The following CCDC88C variants were observed in gnomAD, a reference collection of about 807,000 sequenced individuals.
CCDC88C encodes protein Daple.
CCDC88C carries 131 observed loss-of-function variants against 198.8 expected under a neutral mutation model. That is an observed-to-expected ratio of 0.66 (90% confidence interval 0.57 to 0.76). The LOEUF (loss-of-function observed/expected upper bound fraction) is 0.76. Ranked by LOEUF, CCDC88C falls within the 30% of genes least tolerant of loss-of-function variation. The probability of loss-of-function intolerance (pLI) is 0.00; values close to 1 mark genes in which losing one functional copy is unlikely to be tolerated. For synonymous variants in CCDC88C, 1,166 were observed against 1,114.7 expected (o/e 1.05, Z -0.92); for missense variants, 2,553 against 2,631.6 (o/e 0.97, Z 0.65).
Position 91,281,437 on chromosome 14 carries a change from A to G in CCDC88C, c.4699+20T>C. ...AGTCTGGAAACCCAGGCTGGAGGAC[A>G]CAGCACCCTCCCTACTCACCGTACT... On this transcript the variant is annotated intron_variant, in intron 27 of 29. Coordinates refer to ENST00000389857, the MANE Select transcript of CCDC88C (RefSeq NM_001080414.4). The G allele has an allele frequency of 1.2e-6, 2 of 1,613,594 alleles. No homozygotes were observed. Among genetic ancestry groups the G allele is most frequent in the South Asian group, 2.2e-5 (2 of 91,082 alleles).
At chr14:91,370,135 T>G (rs11626638) in intron 3 of CCDC88C, among the ~76,000 whole-genome samples, 1 of 152,196 alleles carries the variant, frequency 6.6e-6, no homozygotes, top group Non-Finnish European at 1.5e-5. Flanking sequence ...CGCTAACTCC[T>G]GCCTCTGCCT....
intron 25 of CCDC88C, chr14:91,285,536 A>T: frequency 1.3e-6 from 1 of 780,250 alleles, no homozygotes; most frequent in Non-Finnish European, 1.8e-6. Flanking sequence ...TGGCTACTTT[A>T]AGCTTGAAAT....
intron 4 of CCDC88C, among the ~76,000 whole-genome samples, chr14:91,344,812 T>C (rs1893461920): frequency 1.3e-5 from 2 of 151,630 alleles, no homozygotes; most frequent in South Asian, 4.2e-4. Flanking sequence ...TTTTTTTTTT[T>C]CTGATACAGG....
At chr14:91,383,518 G>C (rs1884938041) in intron 3 of CCDC88C, among the ~76,000 whole-genome samples, 1 of 152,154 alleles carries the variant, frequency 6.6e-6, no homozygotes, top group Non-Finnish European at 1.5e-5. Flanking sequence ...GGGGAGCCAG[G>C]GACACTCTGC....
In CCDC88C at chr14:91,305,799, T is replaced by A; in HGVS notation, c.3323A>T (p.Asn1108Ile). ...QKQSAFLQEH[N>I]TTLQTQTAKL... The stretch of plus-strand genomic sequence containing the variant: ...GGCGGTCTGGGTCTGCAGTGTGGTG[T>A]TGTGCTCCTGCAGGAAGGCGCTCTG... The change falls in exon 19 of 30, where the codon AAC (asparagine) becomes ATC (isoleucine). Residue 1108 changes from asparagine (N) to isoleucine (I), a missense_variant. Asn to Ile is a moderately radical substitution (Grantham distance 149). Around this residue, in one of 2 missense-constraint regions of CCDC88C, gnomAD observed 1,260 missense variants for 1,412.0 expected, o/e 0.89. Coordinates refer to ENST00000389857, the MANE Select transcript of CCDC88C (RefSeq NM_001080414.4). 2 of 1,613,602 alleles carry A rather than the reference T, an allele frequency of 1.2e-6. No individual in the cohort carries two copies. Among genetic ancestry groups the A allele is most frequent in the Non-Finnish European group, 1.7e-6 (2 of 1,179,564 alleles).
chr14:91,394,687 T>C (rs113356769), intron 3 of CCDC88C, among the ~76,000 whole-genome samples: 8 of 152,312 alleles, frequency 5.3e-5, no homozygotes, highest in African/African-American at 1.9e-4. Context: ...TTTTAAGGAA[T>C]TCTATTGCTG....
chr14:91,376,296 G>T (rs1286209834), intron 3 of CCDC88C, among the ~76,000 whole-genome samples: 1 of 152,182 alleles, frequency 6.6e-6, no homozygotes, highest in Non-Finnish European at 1.5e-5. Flanking sequence ...CCCTGACCTT[G>T]GTCGCCATCT....
intron 3 of CCDC88C, among the ~76,000 whole-genome samples, chr14:91,394,022 T>C (rs562928580): frequency 7.0e-4 from 107 of 152,324 alleles, no homozygotes; most frequent in African/African-American, 2.2e-3. Context: ...GGCACGTAAA[T>C]CTGACTTGCT....
intron 21 of CCDC88C, among the ~76,000 whole-genome samples, chr14:91,298,856 C>T (rs559423241): frequency 6.6e-6 from 1 of 152,308 alleles, no homozygotes; most frequent in East Asian, 1.9e-4. Flanking sequence ...TATGGTCAAG[C>T]CTTTGCAATG....
In CCDC88C at chr14:91,273,575, G is replaced by A; in HGVS notation, c.5137C>T (p.Pro1713Ser). ...CCTTCTTTCTTGGCAGGTGGTCCTG[G>A]TTGGCCTCCGATGGCTGGGGGATCG... ...ASDPPAIGGQ[P>S]GPPAKKEGAK... Residue 1713 changes from proline to serine, a missense_variant, in exon 30 of 30, where the codon CCA (proline) becomes TCA (serine). Physicochemically the swap from Pro to Ser is moderately conservative, Grantham distance 74. Coordinates refer to ENST00000389857, the MANE Select transcript of CCDC88C (RefSeq NM_001080414.4). This position sits in a 1 kb window ranked among gnomAD's most constrained non-coding sequence, Gnocchi z 5.6. 4.0e-6 allele frequency: 6 copies of A among 1,500,868 alleles called. No individual in the cohort carries two copies. The highest frequency in any genetic ancestry group is 1.4e-5 in the South Asian group (1 of 72,450). The allele number at this position is 1,500,868 out of a possible 1,614,324, so 93.0% of individuals were successfully genotyped here.
At position 91,324,802 on chromosome 14, in the gene CCDC88C, G is replaced by A. The variant is rs770791562; in HGVS notation, c.1319C>T (p.Ser440Phe). 2 of 1,612,450 alleles carry A rather than the reference G, an allele frequency of 1.2e-6. No individual in the cohort carries two copies. Among genetic ancestry groups the A allele is most frequent in the Non-Finnish European group, 1.7e-6 (2 of 1,179,902 alleles). ...ACCGTCTGACAAGTCTGCGTTCTTG[G>A]ACAGCTGCTCCAGCTCCCAGCCAAG... ...AHLGWELEQLSKNADLSDASR... is the reference protein window; with the variant it reads ...AHLGWELEQLFKNADLSDASR... Residue 440 changes from serine to phenylalanine, a missense_variant, in exon 12 of 30, where the codon TCC becomes TTC. Physicochemically the swap from Ser to Phe is radical, Grantham distance 155. This residue lies in a region of CCDC88C where 1,260 missense variants were observed against 1,412.0 expected (regional missense o/e 0.89). Transcript: ENST00000389857.
rs940416485 is a variant in CCDC88C, at chr14:91,339,694, C to T, written c.624+190G>A. ...GGCCCCAAGCTCCGCGTCCTGATTC[C>T]CTGTATCCTCCCACAGGCCCGAGGT... On this transcript the variant is annotated intron_variant, in intron 7 of 29. Transcript: ENST00000389857. This position sits in a 1 kb window ranked among gnomAD's most constrained non-coding sequence, Gnocchi z 5.8. Among the ~76,000 whole-genome samples the T allele has an allele frequency of 1.3e-5, 2 of 152,168 alleles. No homozygotes were observed. The highest frequency in any genetic ancestry group is 2.1e-4 in the South Asian group (1 of 4,826).
chr14:91,345,349 C>T (rs1183856918), intron 4 of CCDC88C, among the ~76,000 whole-genome samples: 2 of 151,716 alleles, frequency 1.3e-5, no homozygotes, highest in East Asian at 3.9e-4. Context: ...CTCGCCACCA[C>T]GCTCTGCTAT....
Position 91,313,507 on chromosome 14 carries a change from C to G in CCDC88C, c.2309G>C (p.Arg770Pro). ...GCTGCTCTCCAGGCTCTGCTGCAGC[C>G]GGAGGTTCTCAGCGCTCACGCTCTG... is the stretch of plus-strand genomic sequence containing the variant. ...SYQSVSAENL[R>P]LQQSLESSSH... is the part of the protein sequence containing the mutation. Residue 770 changes from arginine to proline, a missense_variant, in exon 15 of 30, where the codon CGG (arginine) becomes CCG (proline). This residue lies in a region of CCDC88C where 1,260 missense variants were observed against 1,412.0 expected (regional missense o/e 0.89). Coordinates refer to ENST00000389857, the MANE Select transcript of CCDC88C (RefSeq NM_001080414.4). The surrounding 1 kb of genome is among the most constrained non-coding windows in gnomAD (Gnocchi z 5.2). The G allele has an allele frequency of 6.2e-7, 1 of 1,608,548 alleles. No individual in the cohort carries two copies. Among genetic ancestry groups the G allele is most frequent in the East Asian group, 2.2e-5 (1 of 44,890 alleles).
chr14:91,295,451 G>A (rs1890959555), intron 22 of CCDC88C, among the ~76,000 whole-genome samples: 2 of 152,358 alleles, frequency 1.3e-5, no homozygotes, highest in African/African-American at 4.8e-5. Flanking sequence ...TCTGCAGGGT[G>A]AAAGGCCGTC....
chr14:91,307,569 T>A (rs1295586514), intron 17 of CCDC88C, among the ~76,000 whole-genome samples: 3 of 152,222 alleles, frequency 2.0e-5, no homozygotes, highest in African/African-American at 4.8e-5. Flanking sequence ...TGAACAGGGA[T>A]GAGGTCTCAA....
In CCDC88C at chr14:91,338,913, T is replaced by C. The variant is rs1893180126; in HGVS notation, c.810-343A>G. ...CTGCAGGAAACCTGGGAGAACAGGC[T>C]CACCAGATTGGAGGGAAGGAGGGGC... On this transcript the variant is annotated intron_variant, in intron 8 of 29. Transcript: ENST00000389857. The surrounding 1 kb of genome is among the most constrained non-coding windows in gnomAD (Gnocchi z 4.8). 4.2e-6 allele frequency: 2 copies of C among 474,956 alleles called. No individual in the cohort carries two copies. The highest frequency in any genetic ancestry group is 4.3e-5 in the South Asian group (2 of 46,514). The allele number at this position is 474,956 out of a possible 1,614,324, so 29.4% of individuals were successfully genotyped here. A position where few individuals can be genotyped will look rare whatever the true frequency, so the allele number is the denominator to read the frequency against.
At chr14:91,317,881 G>A (rs7141466) in intron 13 of CCDC88C, among the ~76,000 whole-genome samples, 3,167 of 152,318 alleles carry the variant, frequency 0.021, 127 homozygotes, top group African/African-American at 0.072. Flanking sequence ...GTACAGAGGA[G>A]GGGCCACAGC....
At chr14:91,350,434 TTACAG>T (rs1691063861) in intron 4 of CCDC88C, among the ~76,000 whole-genome samples, 1 of 152,180 alleles carries the variant, frequency 6.6e-6, no homozygotes. Flanking sequence ...AGTGCCGGGA[TTACAG>T]GTGTGAGCCA....
Sources: allele counts gnomAD v4.1 joint callset (sites outside exome capture counted in the v4.1 genomes callset), GRCh38; gene constraint gnomAD v4.1.1; regional missense constraint gnomAD v4.1.1; non-coding constraint Gnocchi (gnomAD v3.1); transcripts MANE v1.5; gene names NCBI Gene and HGNC (gene_info 2026-07-23, HGNC 2026-07-21).